GALNTL6: variants seen among roughly 807,000 people sequenced by gnomAD.
GALNTL6 encodes the protein polypeptide N-acetylgalactosaminyltransferase like 6, also known as polypeptide N-acetylgalactosaminyltransferase-like 6.
In GALNTL6, 46 loss-of-function variants were observed where a neutral mutation model predicts 73.7. That is an observed-to-expected ratio of 0.62 (90% CI 0.49 to 0.80). GALNTL6 has a LOEUF of 0.80. GALNTL6 is among the 30% of genes least tolerant of loss of function. The pLI, the probability that GALNTL6 is intolerant of heterozygous loss-of-function variation, is 0.00. For missense variants in GALNTL6, 604 were observed against 755.0 expected (o/e 0.80, Z 2.34); for synonymous variants, 259 against 263.7 (o/e 0.98, Z 0.17).
At chr4:172,368,928 G>C (rs1426758874) in intron 5 of GALNTL6, among the ~76,000 whole-genome samples, 1 of 152,214 alleles carries the variant, frequency 6.6e-6, no homozygotes, top group Non-Finnish European at 1.5e-5. Flanking sequence ...GACCTTTGCA[G>C]TGAGTATTAC....
chr4:171,821,878 T>G (rs1250637433), intron 2 of GALNTL6, among the ~76,000 whole-genome samples: 1 of 152,102 alleles, frequency 6.6e-6, no homozygotes, highest in East Asian at 1.9e-4. Flanking sequence ...TCTTAACATT[T>G]TGGATTTCAT....
intron 2 of GALNTL6, among the ~76,000 whole-genome samples, chr4:171,831,023 G>A (rs982160098): frequency 5.9e-5 from 9 of 152,048 alleles, no homozygotes; most frequent in South Asian, 2.1e-4. Context: ...AAGTGACCAT[G>A]AAGCAGCACA....
At chr4:172,748,611 G>A (rs567084708) in intron 5 of GALNTL6, among the ~76,000 whole-genome samples, 14 of 152,220 alleles carry the variant, frequency 9.2e-5, no homozygotes, top group African/African-American at 2.9e-4. Context: ...CTGGGGTTAC[G>A]GGTAGATACA....
chr4:172,218,325 A>C (rs72998362), intron 2 of GALNTL6, among the ~76,000 whole-genome samples: 4,602 of 152,144 alleles, frequency 0.03, 211 homozygotes, highest in African/African-American at 0.1. Flanking sequence ...CCCTCTAGGC[A>C]TATTTTACAA....
intron 5 of GALNTL6, among the ~76,000 whole-genome samples, chr4:172,782,847 A>G (rs1739444391): frequency 6.6e-6 from 1 of 152,096 alleles, no homozygotes; most frequent in Admixed American, 6.6e-5. Flanking sequence ...GAGAAAGAAG[A>G]GTAGCACTTA....
chr4:171,884,401 T>G (rs1736550312), intron 2 of GALNTL6, among the ~76,000 whole-genome samples: 1 of 152,144 alleles, frequency 6.6e-6, no homozygotes, highest in Non-Finnish European at 1.5e-5. Flanking sequence ...TAATCTAATG[T>G]AGTAGATAAT....
chr4:172,485,957 A>G (rs1201802459), intron 5 of GALNTL6, among the ~76,000 whole-genome samples: 1 of 152,144 alleles, frequency 6.6e-6, no homozygotes, highest in African/African-American at 2.4e-5. Flanking sequence ...TAAACCATCT[A>G]TGGATGGCTC....
At chr4:172,316,117 C>T (rs1194347622) in intron 4 of GALNTL6, among the ~76,000 whole-genome samples, 1 of 151,936 alleles carries the variant, frequency 6.6e-6, no homozygotes, top group African/African-American at 2.4e-5. Flanking sequence ...CACAAATACC[C>T]CGTAAACATG....
In GALNTL6 at chr4:171,814,566, C is replaced by G. The variant is rs1276311292; in HGVS notation, c.-15C>G. ...AGCCATCTCCTTTAACTTTTCTTCT[C>G]TGTTACCATTTGCAATGAAGAGGAA... On this transcript the variant is annotated 5_prime_UTR_variant, in exon 2 of 13. Coordinates refer to ENST00000506823, the MANE Select transcript of GALNTL6 (RefSeq NM_001034845.3). 6.2e-7 allele frequency: 1 copy of G among 1,613,656 alleles called. No individual in the cohort carries two copies. Among genetic ancestry groups the G allele is most frequent in the Non-Finnish European group, 8.5e-7 (1 of 1,179,848 alleles).
chr4:172,957,174 G>C (rs1050304944), intron 10 of GALNTL6, among the ~76,000 whole-genome samples: 15 of 152,162 alleles, frequency 9.9e-5, no homozygotes, highest in African/African-American at 3.4e-4. Flanking sequence ...AGGGAAGGGA[G>C]GGGGCCTGAA....
chr4:172,580,848 C>T (rs1418590068), intron 5 of GALNTL6, among the ~76,000 whole-genome samples: 5 of 152,186 alleles, frequency 3.3e-5, no homozygotes, highest in East Asian at 1.9e-4. Flanking sequence ...GGCACTATCT[C>T]GGCTCACCGC....
At chr4:172,507,381 ATG>A (rs1734396995) in intron 5 of GALNTL6, among the ~76,000 whole-genome samples, 1 of 54,390 alleles carries the variant, frequency 1.8e-5, no homozygotes, top group African/African-American at 4.6e-5. Flanking sequence ...TTTGGGAAGA[ATG>A]AGACTGGGAG....
intron 5 of GALNTL6, among the ~76,000 whole-genome samples, chr4:172,490,091 G>A (rs1032478636): frequency 6.6e-6 from 1 of 152,134 alleles, no homozygotes; most frequent in Non-Finnish European, 1.5e-5. Context: ...AATACTCTCT[G>A]CAGGAGTCTT....
At chr4:172,493,545 G>A (rs983197584) in intron 5 of GALNTL6, among the ~76,000 whole-genome samples, 6 of 152,068 alleles carry the variant, frequency 3.9e-5, no homozygotes, top group Non-Finnish European at 8.8e-5. Flanking sequence ...ACACTTACTT[G>A]GTACCAGGTT....
At chr4:171,843,270 A>G (rs1321946387) in intron 2 of GALNTL6, among the ~76,000 whole-genome samples, 2 of 152,104 alleles carry the variant, frequency 1.3e-5, no homozygotes, top group Admixed American at 1.3e-4. Context: ...AGTAAAATAC[A>G]CCACAAACAT....
At chr4:172,935,282 C>A (rs557176953) in intron 9 of GALNTL6, among the ~76,000 whole-genome samples, 2 of 152,274 alleles carry the variant, frequency 1.3e-5, no homozygotes, top group Non-Finnish European at 2.9e-5. Context: ...TCAGAGAATG[C>A]AAATCTGTAT....
At chr4:172,065,438 T>C (rs1731329292) in intron 2 of GALNTL6, among the ~76,000 whole-genome samples, 2 of 152,174 alleles carry the variant, frequency 1.3e-5, no homozygotes, top group South Asian at 4.1e-4. Flanking sequence ...TGGGGACCCC[T>C]GCACTGTATT....
chr4:172,920,652 A>G (rs1418788256), intron 8 of GALNTL6, among the ~76,000 whole-genome samples: 1 of 152,224 alleles, frequency 6.6e-6, no homozygotes, highest in African/African-American at 2.4e-5. Context: ...ATAAACAACT[A>G]GTGAATGAAA....
At chr4:172,227,367 T>C (rs1736904323) in intron 2 of GALNTL6, among the ~76,000 whole-genome samples, 1 of 152,174 alleles carries the variant, frequency 6.6e-6, no homozygotes, top group African/African-American at 2.4e-5. Flanking sequence ...TGATTTTCAC[T>C]GCAGTTTGAC....
Sources: allele counts gnomAD v4.1 joint callset (sites outside exome capture counted in the v4.1 genomes callset), GRCh38; gene constraint gnomAD v4.1.1; transcripts MANE v1.5; gene names NCBI Gene and HGNC (gene_info 2026-07-23, HGNC 2026-07-21).